Variants in BCAR3 observed in about 807,000 individuals in gnomAD.
The protein encoded by BCAR3 is breast cancer anti-estrogen resistance protein 3.
Under a neutral mutation model 80.1 loss-of-function variants are expected in BCAR3, and 37 were observed. The observed-to-expected ratio is 0.46, with a 90% confidence interval of 0.36 to 0.61. BCAR3 has a LOEUF of 0.61. Ranked by LOEUF, BCAR3 falls within the 20% of genes least tolerant of loss-of-function variation. The pLI is 0.00. For synonymous variants in BCAR3, 389 were observed against 418.9 expected (o/e 0.93, Z 0.87); for missense variants, 978 against 1,068.2 (o/e 0.92, Z 1.18).
chr1:93,844,050 A>G (rs1348729228), intron 2 of BCAR3, among the ~76,000 whole-genome samples: 2 of 152,206 alleles, frequency 1.3e-5, no homozygotes, highest in Non-Finnish European at 2.9e-5. Flanking sequence ...CAGGCACGGT[A>G]GCTCACGCCT....
chr1:93,681,144 C>T (rs1648740592), intron 1 of BCAR3: 1 of 152,316 alleles, frequency 6.6e-6, no homozygotes, highest in Non-Finnish European at 1.5e-5. Context: ...GGGCTTCCAC[C>T]AGAGCGCTCT....
chr1:93,650,481 C>T (rs1676288344), intron 2 of BCAR3, among the ~76,000 whole-genome samples: 1 of 152,208 alleles, frequency 6.6e-6, no homozygotes, highest in Non-Finnish European at 1.5e-5. Flanking sequence ...GTTTCAAATA[C>T]TGCCTCTATC....
At chr1:93,664,538 T>C (rs946542196) in intron 2 of BCAR3, among the ~76,000 whole-genome samples, 3 of 152,212 alleles carry the variant, frequency 2.0e-5, no homozygotes, top group Admixed American at 2.0e-4. Flanking sequence ...TCCCTAATCA[T>C]GTTAAAACAG....
chr1:93,802,326 A>G (rs1653510218), intron 2 of BCAR3, among the ~76,000 whole-genome samples: 1 of 151,994 alleles, frequency 6.6e-6, no homozygotes. Flanking sequence ...AAAAAAAAAA[A>G]AGAAAATTGT....
At chr1:93,634,726 A>C (rs1487790983) in intron 3 of BCAR3, among the ~76,000 whole-genome samples, 1 of 151,488 alleles carries the variant, frequency 6.6e-6, no homozygotes, top group African/African-American at 2.4e-5. Context: ...ACAACAAAAA[A>C]AAAACGGAGT....
At chr1:93,842,120 C>T (rs1463928805) in intron 2 of BCAR3, among the ~76,000 whole-genome samples, 1 of 150,842 alleles carries the variant, frequency 6.6e-6, no homozygotes, top group African/African-American at 2.4e-5. Context: ...TTTTATTTTA[C>T]ATCACAGCTG....
intron 3 of BCAR3, among the ~76,000 whole-genome samples, chr1:93,625,198 A>G (rs139406614): frequency 7.9e-5 from 12 of 152,294 alleles, no homozygotes; most frequent in African/African-American, 2.6e-4. Context: ...GTGACAGAGC[A>G]AGACTCCATC....
intron 2 of BCAR3, among the ~76,000 whole-genome samples, chr1:93,832,692 G>A (rs1011885904): frequency 5.3e-5 from 8 of 152,060 alleles, no homozygotes; most frequent in Non-Finnish European, 8.8e-5. Context: ...CTCCATAACT[G>A]TTGTGGGTAT....
At chr1:93,819,364 G>A (rs561434698) in intron 2 of BCAR3, among the ~76,000 whole-genome samples, 6 of 152,152 alleles carry the variant, frequency 3.9e-5, no homozygotes, top group South Asian at 2.1e-4. Flanking sequence ...ACGCCCAGCC[G>A]GGTCGCCCAT....
chr1:93,614,081 T>C, intron 3 of BCAR3: 1 of 1,428,926 alleles, frequency 7.0e-7, no homozygotes, highest in Non-Finnish European at 9.1e-7. Flanking sequence ...AGTCGGCTCC[T>C]TCTCCCAGGC....
chr1:93,669,489 C>T (rs1366834721), intron 2 of BCAR3, among the ~76,000 whole-genome samples: 2 of 152,206 alleles, frequency 1.3e-5, no homozygotes, highest in African/African-American at 2.4e-5. Context: ...AGTTAAAACA[C>T]TTGTGACGAG....
intron 2 of BCAR3, among the ~76,000 whole-genome samples, chr1:93,783,126 T>A (rs974764599): frequency 1.2e-4 from 18 of 152,170 alleles, no homozygotes; most frequent in African/African-American, 4.3e-4. Context: ...GGTAAACAAT[T>A]TAGTATTATA....
intron 2 of BCAR3, among the ~76,000 whole-genome samples, chr1:93,664,480 A>T (rs1647809969): frequency 6.6e-6 from 1 of 152,180 alleles, no homozygotes; most frequent in Non-Finnish European, 1.5e-5. Context: ...ATGCCTGATG[A>T]CTGTGTTCAT....
rs574082182 is a variant in BCAR3 at position 93,837,133 on chromosome 1, G to A, written c.-63+8434C>T. 9.1e-4 allele frequency among the ~76,000 whole-genome samples: 139 copies of A among 152,238 alleles called. 3 individuals are homozygous for A. The highest frequency in any genetic ancestry group is 3.2e-3 in the African/African-American group (133 of 41,540). ...CTTGGGAGGCTAAGGCAGGAGAATC[G>A]CTTGAACCCGGGAGGCAGGGTTGCA... On this transcript the variant is annotated intron_variant, in intron 2 of 13. Coordinates refer to the BCAR3 transcript ENST00000370244.
intron 3 of BCAR3, among the ~76,000 whole-genome samples, chr1:93,624,981 A>G (rs928059068): frequency 6.6e-6 from 1 of 152,056 alleles, no homozygotes; most frequent in Non-Finnish European, 1.5e-5. Flanking sequence ...GAGGCCGAGG[A>G]GGGCGGATCA....
intron 2 of BCAR3, among the ~76,000 whole-genome samples, chr1:93,810,754 A>T (rs953628100): frequency 1.3e-5 from 2 of 152,128 alleles, no homozygotes; most frequent in African/African-American, 4.8e-5. Flanking sequence ...AAATCAACTC[A>T]TTTCTGACTA....
intron 6 of BCAR3, 91 bp from the exon 7 acceptor site, chr1:93,583,044 T>C: frequency 3.6e-6 from 5 of 1,379,180 alleles, no homozygotes; most frequent in Non-Finnish European, 3.9e-6. Flanking sequence ...CAGCCCTCCA[T>C]TCATGCCCTT....
intron 2 of BCAR3, among the ~76,000 whole-genome samples, chr1:93,655,898 C>A (rs1406778986): frequency 1.3e-5 from 2 of 152,188 alleles, no homozygotes; most frequent in Non-Finnish European, 2.9e-5. Context: ...CAGAGAACAA[C>A]AAAACAAGGG....
At chr1:93,706,779 T>C (rs1649839652) in intron 2 of BCAR3, among the ~76,000 whole-genome samples, 1 of 152,264 alleles carries the variant, frequency 6.6e-6, no homozygotes, top group African/African-American at 2.4e-5. Context: ...GAATTACTTA[T>C]ATAAATCTAC....
Sources: allele counts gnomAD v4.1 joint callset (sites outside exome capture counted in the v4.1 genomes callset), GRCh38; gene constraint gnomAD v4.1.1; transcripts MANE v1.5; gene names NCBI Gene and HGNC (gene_info 2026-07-23, HGNC 2026-07-21).